Variants in MND1 observed in about 807,000 individuals in gnomAD.
The protein encoded by MND1 is meiotic nuclear divisions 1.
MND1 carries 28 observed loss-of-function variants against 35.1 expected under a neutral mutation model. The observed-to-expected ratio is 0.80, with a 90% CI of 0.59 to 1.09. MND1 has a LOEUF of 1.09. Ranked by LOEUF, MND1 falls within the 50% of genes least tolerant of loss-of-function variation. The probability of loss-of-function intolerance (pLI) is 0.00; values close to 1 mark genes in which losing one functional copy is unlikely to be tolerated. For synonymous variants in MND1, 69 were observed against 70.5 expected, an observed-to-expected ratio of 0.98 and a Z score of 0.11; for missense variants, 213 against 239.6, an observed-to-expected ratio of 0.89 and a Z score of 0.73.
intron 4 of MND1, chr4:153,361,650 TA>T: frequency 4.7e-6 from 2 of 425,488 alleles, no homozygotes; most frequent in South Asian, 3.4e-5. Flanking sequence ...CCATCCTGGC[TA>T]ACACGGTGAA....
intron 6 of MND1, among the ~76,000 whole-genome samples, chr4:153,401,141 G>A (rs1448783924): frequency 1.3e-5 from 2 of 152,136 alleles, no homozygotes; most frequent in Non-Finnish European, 1.5e-5. Flanking sequence ...AGTGGCTCAC[G>A]CCTGTAATTC....
Position 153,344,704 on chromosome 4 carries a change from G to C in MND1, c.-34G>C, listed in dbSNP as rs776847585. 2.1e-5 allele frequency: 33 copies of C among 1,575,902 alleles called. No individual in the cohort carries two copies. Among genetic ancestry groups the C allele is most frequent in the South Asian group, 5.8e-5 (5 of 86,852 alleles). ...CTGTCCCGCCCCTCTCCCCAAGCGCGGGCCCGGCCAGCGGAAGCCCCTGCG... is the reference window on the plus strand; with the variant it reads ...CTGTCCCGCCCCTCTCCCCAAGCGCCGGCCCGGCCAGCGGAAGCCCCTGCG... On this transcript the variant is annotated 5_prime_UTR_variant, in exon 1 of 8. Transcript: ENST00000240488.
intron 1 of MND1, among the ~76,000 whole-genome samples, chr4:153,347,856 C>A (rs1773111817): frequency 6.6e-6 from 1 of 152,000 alleles, no homozygotes; most frequent in Non-Finnish European, 1.5e-5. Context: ...GGTCTCCATA[C>A]TGTTAATGGC....
chr4:153,378,376 G>C (rs372071474), intron 4 of MND1, among the ~76,000 whole-genome samples: 25 of 151,894 alleles, frequency 1.6e-4, no homozygotes, highest in African/African-American at 5.3e-4. Context: ...ATATTTTGCT[G>C]GGCCTGAGCT....
chr4:153,360,200 TTTGTATA>T (rs1180509152), intron 4 of MND1, among the ~76,000 whole-genome samples: 1 of 152,240 alleles, frequency 6.6e-6, no homozygotes, highest in Non-Finnish European at 1.5e-5. Context: ...TTAAGAGTTC[TTTGTATA>T]TTTTGGACAC....
At chr4:153,345,591 C>T (rs1773058363) in intron 1 of MND1, 1 of 941,872 alleles carries the variant, frequency 1.1e-6, no homozygotes, top group Admixed American at 6.2e-5. Flanking sequence ...GTTTTTTCTG[C>T]TTCAGTTGGC....
intron 4 of MND1, among the ~76,000 whole-genome samples, chr4:153,359,756 T>C (rs1482728984): frequency 1.3e-5 from 2 of 150,112 alleles, no homozygotes; most frequent in African/African-American, 4.9e-5. Context: ...TGCCATTCTC[T>C]AATGACATAT....
chr4:153,359,396 C>T (rs1037525855), intron 4 of MND1, among the ~76,000 whole-genome samples: 3 of 152,072 alleles, frequency 2.0e-5, no homozygotes, highest in African/African-American at 7.2e-5. Context: ...AATAATATTT[C>T]GTTATATGAA....
chr4:153,382,413 G>C (rs1052836881), intron 4 of MND1, among the ~76,000 whole-genome samples: 2 of 151,996 alleles, frequency 1.3e-5, no homozygotes, highest in African/African-American at 4.8e-5. Context: ...TGCTTTCTTC[G>C]CTCTTCTTTA....
intron 1 of MND1, among the ~76,000 whole-genome samples, chr4:153,347,512 T>G (rs544644494): frequency 6.6e-6 from 1 of 152,292 alleles, no homozygotes; most frequent in Non-Finnish European, 1.5e-5. Context: ...GAGCTTTATG[T>G]CTCCCTTGTC....
chr4:153,364,932 A>C (rs1329289836), intron 4 of MND1, among the ~76,000 whole-genome samples: 1 of 152,182 alleles, frequency 6.6e-6, no homozygotes, highest in African/African-American at 2.4e-5. Context: ...TGCTAAGTGA[A>C]AAGCCAGTCA....
At chr4:153,349,293 T>A (rs1227067056) in intron 1 of MND1, among the ~76,000 whole-genome samples, 2 of 152,182 alleles carry the variant, frequency 1.3e-5, no homozygotes, top group Non-Finnish European at 2.9e-5. Flanking sequence ...GGGCTTCCAT[T>A]TTCTACTTGG....
At chr4:153,411,066 A>G (rs1729668984) in intron 7 of MND1, among the ~76,000 whole-genome samples, 2 of 152,258 alleles carry the variant, frequency 1.3e-5, no homozygotes, top group Non-Finnish European at 2.9e-5. Flanking sequence ...TCTCAGTTCT[A>G]TAGGATGAGA....
intron 2 of MND1, among the ~76,000 whole-genome samples, chr4:153,353,404 C>CATATATATATAT (rs58280101): frequency 8.7e-4 from 71 of 81,926 alleles, no homozygotes; most frequent in Non-Finnish European, 1.3e-3. Context: ...GACTTTATCA[C>CATATATATATAT]ATATATATAT....
intron 4 of MND1, among the ~76,000 whole-genome samples, chr4:153,386,929 G>A (rs1728885030): frequency 6.6e-6 from 1 of 152,174 alleles, no homozygotes; most frequent in African/African-American, 2.4e-5. Flanking sequence ...ACTCTGGGGA[G>A]GGTGTTGTAG....
chr4:153,349,302 G>C (rs1773152695), intron 1 of MND1, among the ~76,000 whole-genome samples: 1 of 152,008 alleles, frequency 6.6e-6, no homozygotes, highest in Non-Finnish European at 1.5e-5. Context: ...TTTTCTACTT[G>C]GATAGGCCTT....
At chr4:153,395,877 T>C (rs1383613783) in intron 5 of MND1, among the ~76,000 whole-genome samples, 1 of 152,128 alleles carries the variant, frequency 6.6e-6, no homozygotes. Flanking sequence ...TTTCTCCTCT[T>C]GATTTTGTTT....
At position 153,398,511 on chromosome 4, in the gene MND1, G is replaced by C. The variant is rs1045575268; in HGVS notation, c.466+1178G>C. Among the ~76,000 whole-genome samples the C allele has an allele frequency of 2.0e-5, 3 of 152,160 alleles. No homozygotes were observed. The East Asian group carries it at 5.8e-4, about 29-fold the overall frequency. ...AAAGTTAAACTTCATTTAAGAGACA[G>C]GTCGCTGCTTTGCGCAACTCCAGGA... is the stretch of plus-strand genomic sequence containing the variant. On this transcript the variant is annotated intron_variant, in intron 6 of 7. Transcript: ENST00000240488.
intron 2 of MND1, among the ~76,000 whole-genome samples, chr4:153,353,193 G>A (rs1773256920): frequency 6.6e-6 from 1 of 151,274 alleles, no homozygotes; most frequent in South Asian, 2.1e-4. Context: ...TTTATTCCTC[G>A]ATGAGCAAAA....
Sources: allele counts gnomAD v4.1 joint callset (sites outside exome capture counted in the v4.1 genomes callset), GRCh38; gene constraint gnomAD v4.1.1; transcripts MANE v1.5; gene names NCBI Gene and HGNC (gene_info 2026-07-23, HGNC 2026-07-21).